Variants in SOD2 observed in about 807,000 individuals in gnomAD.
The protein encoded by SOD2 is superoxide dismutase 2.
Under a neutral mutation model 27.0 loss-of-function variants are expected in SOD2, and 11 were observed. The ratio of observed to expected loss-of-function variants is 0.41; its 90% CI spans 0.26 to 0.67. The LOEUF (loss-of-function observed/expected upper bound fraction) is 0.67, where lower values mean the gene tolerates loss of function less well. Among genes scored for constraint, SOD2 ranks in the 30% least tolerant of loss-of-function variants. SOD2 has a pLI of 0.34. For missense variants in SOD2, 250 were observed against 274.5 expected (o/e 0.91, Z 0.63); for synonymous variants, 105 against 103.0 (o/e 1.02, Z -0.12).
At chr6:159,746,510 A>G (rs76224198), upstream of SOD2, among the ~76,000 whole-genome samples, 2,270 of 152,098 alleles carry the variant, frequency 0.015, 47 homozygotes, top group African/African-American at 0.051. Flanking sequence ...CAGCATACTA[A>G]CTCATCCATT....
intron 1 of SOD2, among the ~76,000 whole-genome samples, chr6:159,715,212 C>T (rs1482676342): frequency 6.6e-6 from 1 of 151,676 alleles, no homozygotes; most frequent in Non-Finnish European, 1.5e-5. Flanking sequence ...CACTGTTAGT[C>T]GACAAGAAAA....
intron 1 of SOD2, among the ~76,000 whole-genome samples, chr6:159,736,990 T>C (rs1003358948): frequency 6.6e-6 from 1 of 152,230 alleles, no homozygotes; most frequent in African/African-American, 2.4e-5. Context: ...ATTAAATGAA[T>C]AAAGGATTGT....
exon 1 of SOD2, chr6:159,761,682 C>T (rs769720997): frequency 2.5e-6 from 1 of 402,570 alleles, no homozygotes; most frequent in Non-Finnish European, 4.9e-6. Flanking sequence ...TTTACTGTTT[C>T]GAGAAACCCT....
chr6:159,726,078 CA>C (rs1268797221), intron 1 of SOD2: 4 of 152,248 alleles, frequency 2.6e-5, no homozygotes, highest in African/African-American at 9.7e-5. Flanking sequence ...GCTGCACCTT[CA>C]GAATAAGGTT....
chr6:159,683,903 G>A (rs999032788), intron 4 of SOD2, among the ~76,000 whole-genome samples: 2 of 152,156 alleles, frequency 1.3e-5, no homozygotes, highest in African/African-American at 4.8e-5. Context: ...CAATGTCAGG[G>A]GTAGAAGAAG....
At chr6:159,735,902 T>C (rs1778884139) in intron 1 of SOD2, among the ~76,000 whole-genome samples, 1 of 152,128 alleles carries the variant, frequency 6.6e-6, no homozygotes, top group African/African-American at 2.4e-5. Context: ...CTTAGCAACA[T>C]GCGTAGGATA....
upstream of SOD2, among the ~76,000 whole-genome samples, chr6:159,729,963 C>G (rs938227409): frequency 3.3e-5 from 5 of 152,148 alleles, no homozygotes; most frequent in African/African-American, 7.2e-5. Context: ...CCATACTAAG[C>G]TGTTTTTCTG....
upstream of SOD2, among the ~76,000 whole-genome samples, chr6:159,730,346 G>A (rs1187700203): frequency 6.6e-6 from 1 of 152,058 alleles, no homozygotes; most frequent in Non-Finnish European, 1.5e-5. Context: ...CTGTTTTTCT[G>A]ATACGAGAAT....
intron 1 of SOD2, among the ~76,000 whole-genome samples, chr6:159,723,894 G>A (rs936855542): frequency 4.8e-4 from 73 of 152,144 alleles, no homozygotes; most frequent in African/African-American, 1.5e-3. Context: ...AAGTAGCTAG[G>A]ACTATAGGCA....
intron 1 of SOD2, 118 bp from the exon 2 acceptor site, chr6:159,692,981 G>T: frequency 2.2e-6 from 3 of 1,348,696 alleles, no homozygotes; most frequent in Non-Finnish European, 1.9e-6. Flanking sequence ...CCTCCCTGCG[G>T]ATCCCCGCTC....
At chr6:159,702,637 G>A (rs1777542255) in intron 1 of SOD2, among the ~76,000 whole-genome samples, 1 of 132,350 alleles carries the variant, frequency 7.6e-6, no homozygotes, top group South Asian at 2.4e-4. Context: ...CAGCAATACA[G>A]GGAAGCTCTA....
upstream of SOD2, among the ~76,000 whole-genome samples, chr6:159,693,638 A>C (rs1777350419): frequency 6.6e-6 from 1 of 152,046 alleles, no homozygotes; most frequent in Non-Finnish European, 1.5e-5. Flanking sequence ...CCTGCCCCTG[A>C]GTTTTGGTTG....
rs1779794608 is a variant in SOD2, at chr6:159,677,010, CTG to C, written c.*5481_*5482del. 6.6e-6 allele frequency: 1 copy of C among 152,202 alleles called. No homozygotes were observed. Among genetic ancestry groups the C allele is most frequent in the African/African-American group, 2.4e-5 (1 of 41,450 alleles). 9.4% of individuals were successfully genotyped at this position (152,202 alleles called of 1,614,324 possible). On this transcript the variant is annotated 3_prime_UTR_variant, in exon 5 of 5. Coordinates refer to ENST00000538183, the MANE Select transcript of SOD2 (RefSeq NM_000636.4). ...GCTGTCAAACCTCTCTGTGGATATGCTGTGTTAACTTCTGAGCCTTGGGGATA... is the reference window on the plus strand; with the variant it reads ...GCTGTCAAACCTCTCTGTGGATATGCTGTTAACTTCTGAGCCTTGGGGATA...
chr6:159,759,941 G>A (rs973093342), intron 1 of SOD2, among the ~76,000 whole-genome samples: 7 of 152,206 alleles, frequency 4.6e-5, no homozygotes, highest in Non-Finnish European at 8.8e-5. Context: ...TGGCCATAAA[G>A]AATATTGGTG....
chr6:159,698,006 G>A (rs1270559551), upstream of SOD2, among the ~76,000 whole-genome samples: 6 of 152,212 alleles, frequency 3.9e-5, no homozygotes, highest in African/African-American at 7.2e-5. Context: ...AGGGCCCAGT[G>A]GCTCACGCCT....
At chr6:159,751,653 T>C (rs887709552) in intron 1 of SOD2, among the ~76,000 whole-genome samples, 1 of 152,238 alleles carries the variant, frequency 6.6e-6, no homozygotes, top group Non-Finnish European at 1.5e-5. Flanking sequence ...TACCACATGC[T>C]CACTGGTGGC....
intron 1 of SOD2, chr6:159,739,082 T>G (rs1165750699): frequency 1.3e-6 from 2 of 1,513,008 alleles, no homozygotes; most frequent in Non-Finnish European, 1.8e-6. Context: ...AGTCTTTCTA[T>G]AGAACATTAT....
Position 159,672,686 on chromosome 6 carries a change from A to G in SOD2, c.*9807T>C, listed in dbSNP as rs1562409467. 1 of 152,212 alleles carries G rather than the reference A, an allele frequency of 6.6e-6. No individual in the cohort carries two copies. The highest frequency in any genetic ancestry group is 1.5e-5 in the Non-Finnish European group (1 of 68,046). The allele number at this position is 152,212 out of a possible 1,614,324, so 9.4% of individuals were successfully genotyped here. A position where few individuals can be genotyped will look rare whatever the true frequency, so the allele number is the denominator to read the frequency against. On this transcript the variant is annotated 3_prime_UTR_variant, in exon 5 of 5. Coordinates refer to ENST00000538183, the MANE Select transcript of SOD2 (RefSeq NM_000636.4). ...AGGCTAGGAAGAAACTGCATCAACT[A>G]ACGAGCAAAATAACCAGTGAACATC...
At chr6:159,746,107 A>C (rs1476097200), upstream of SOD2, among the ~76,000 whole-genome samples, 1 of 152,236 alleles carries the variant, frequency 6.6e-6, no homozygotes, top group Non-Finnish European at 1.5e-5. Flanking sequence ...AAAGGCATAC[A>C]TAAAGTTCTG....
Sources: gnomAD v4.1 joint callset for allele counts (sites outside exome capture counted in the v4.1 genomes callset) on GRCh38, gnomAD v4.1.1 for gene constraint, MANE v1.5 for transcripts, NCBI Gene and HGNC (gene_info 2026-07-23, HGNC 2026-07-21) for gene names.